The following GLRA1 variants were observed in gnomAD, a reference collection of about 807,000 sequenced individuals.
The protein encoded by GLRA1 is glycine receptor alpha 1.
A neutral mutation model predicts 48.3 loss-of-function variants in GLRA1; 37 were observed. The ratio of observed to expected loss-of-function variants is 0.77; its 90% CI spans 0.59 to 1.01. The LOEUF (loss-of-function observed/expected upper bound fraction) is 1.01. Among genes scored for constraint, GLRA1 ranks in the 50% least tolerant of loss-of-function variants. The pLI, the probability that GLRA1 is intolerant of heterozygous loss-of-function variation, is 0.00. For synonymous variants in GLRA1, 196 were observed against 210.7 expected (o/e 0.93, Z 0.60); for missense variants, 427 against 571.0 (o/e 0.75, Z 2.57).
At chr5:151,871,886 C>T (rs1212851091) in intron 3 of GLRA1, among the ~76,000 whole-genome samples, 2 of 149,420 alleles carry the variant, frequency 1.3e-5, no homozygotes, top group East Asian at 1.9e-4. Context: ...TTATAGGCCT[C>T]AATAAACTGA....
chr5:151,904,809 C>A (rs1356937712), intron 1 of GLRA1, among the ~76,000 whole-genome samples: 2 of 152,168 alleles, frequency 1.3e-5, no homozygotes, highest in African/African-American at 2.4e-5. Context: ...ATGTTCAATA[C>A]AATTTTTATT....
chr5:151,912,726 C>T (rs968479150), intron 1 of GLRA1, among the ~76,000 whole-genome samples: 5 of 152,160 alleles, frequency 3.3e-5, no homozygotes, highest in Non-Finnish European at 7.3e-5. Flanking sequence ...ATTTAACAAA[C>T]ACTGAGTGTT....
At chr5:151,846,622 T>C (rs1752677846) in intron 7 of GLRA1, among the ~76,000 whole-genome samples, 2 of 152,194 alleles carry the variant, frequency 1.3e-5, no homozygotes, top group Admixed American at 1.3e-4. Flanking sequence ...AACAGAATGT[T>C]GTGTCTCACG....
chr5:151,889,334 A>G (rs1195731244), intron 2 of GLRA1, among the ~76,000 whole-genome samples: 2 of 152,248 alleles, frequency 1.3e-5, no homozygotes, highest in African/African-American at 4.8e-5. Flanking sequence ...AGGAGCCATT[A>G]TAATACACAA....
At chr5:151,869,062 C>A (rs958627325) in intron 3 of GLRA1, among the ~76,000 whole-genome samples, 4 of 151,746 alleles carry the variant, frequency 2.6e-5, no homozygotes, top group Admixed American at 6.6e-5. Flanking sequence ...ATGTGAATAG[C>A]AGTTCTGTTT....
At chr5:151,849,011 A>G (rs1752760600) in intron 7 of GLRA1, 1 of 665,626 alleles carries the variant, frequency 1.5e-6, no homozygotes, top group Non-Finnish European at 2.8e-6. Context: ...ATGGCGCTGC[A>G]AGACCCAGAC....
At chr5:151,903,458 A>G (rs1230746980) in intron 1 of GLRA1, among the ~76,000 whole-genome samples, 1 of 152,116 alleles carries the variant, frequency 6.6e-6, no homozygotes, top group Non-Finnish European at 1.5e-5. Context: ...GCCTTTGTTG[A>G]TTCCCTTGAA....
chr5:151,883,944 G>T (rs1053831331), intron 3 of GLRA1, among the ~76,000 whole-genome samples: 5 of 152,138 alleles, frequency 3.3e-5, no homozygotes, highest in African/African-American at 7.2e-5. Context: ...GGAAATGGGG[G>T]GTGAGGGTTG....
chr5:151,868,112 A>G (rs1359364116), intron 3 of GLRA1, among the ~76,000 whole-genome samples: 4 of 152,232 alleles, frequency 2.6e-5, no homozygotes, highest in Admixed American at 2.0e-4. Context: ...CATGATTTTC[A>G]TCATCAAATA....
At chr5:151,849,496 CTTTTCTTT>C (rs1752839196) in intron 7 of GLRA1, among the ~76,000 whole-genome samples, 1 of 87,376 alleles carries the variant, frequency 1.1e-5, no homozygotes, top group East Asian at 3.2e-4. Flanking sequence ...TCCTTCCTTT[CTTTTCTTT>C]CTTTCTTTCT....
At chr5:151,875,988 A>G (rs1753618508) in intron 3 of GLRA1, among the ~76,000 whole-genome samples, 2 of 152,236 alleles carry the variant, frequency 1.3e-5, no homozygotes, top group South Asian at 2.1e-4. Flanking sequence ...AATAATTCCC[A>G]TAATTCACTA....
rs546796052 is a variant in GLRA1, at chr5:151,871,591, C to T, written c.253-11583G>A. 4.4e-4 allele frequency among the ~76,000 whole-genome samples: 64 copies of T among 146,360 alleles called. 4 individuals are homozygous for T. Among genetic ancestry groups the T allele is most frequent in the African/African-American group, 1.6e-3 (58 of 37,240 alleles). On this transcript the variant is annotated intron_variant, in intron 3 of 8. Transcript: ENST00000274576. ...TTTCTTTTTTTTTGAGATAGAGTCT[C>T]GCTCTGTCGCCCAGGCTGGAGTGCA... is the stretch of plus-strand genomic sequence containing the variant.
chr5:151,894,468 G>A (rs911420878), intron 1 of GLRA1, among the ~76,000 whole-genome samples: 7 of 152,046 alleles, frequency 4.6e-5, no homozygotes, highest in Non-Finnish European at 1.0e-4. Flanking sequence ...CTCCAGATCA[G>A]TTTCCCCAGA....
intron 3 of GLRA1, among the ~76,000 whole-genome samples, chr5:151,874,762 C>G (rs1259298693): frequency 6.6e-6 from 1 of 152,064 alleles, no homozygotes. Context: ...GAGCTGAGAC[C>G]TGAAGGGTGA....
At chr5:151,902,654 G>A (rs1245266488) in intron 1 of GLRA1, among the ~76,000 whole-genome samples, 4 of 152,072 alleles carry the variant, frequency 2.6e-5, no homozygotes, top group African/African-American at 7.2e-5. Context: ...TAATTAGGAA[G>A]TGCCTATTAT....
chr5:151,862,546 A>G (rs971976993), intron 3 of GLRA1, among the ~76,000 whole-genome samples: 8 of 152,246 alleles, frequency 5.3e-5, no homozygotes, highest in African/African-American at 1.9e-4. Flanking sequence ...ACTAGCTTCT[A>G]AACTCAATGC....
chr5:151,824,570 T>C (rs1763224845), intron 8 of GLRA1, among the ~76,000 whole-genome samples: 1 of 152,186 alleles, frequency 6.6e-6, no homozygotes. Flanking sequence ...TCTTGAACTC[T>C]GGGCCTTTGT....
At chr5:151,892,869 G>T (rs367741144) in intron 1 of GLRA1, among the ~76,000 whole-genome samples, 2 of 152,132 alleles carry the variant, frequency 1.3e-5, no homozygotes, top group South Asian at 2.1e-4. Context: ...TTTCCTCAAG[G>T]TTTATTTTCA....
intron 3 of GLRA1, among the ~76,000 whole-genome samples, chr5:151,871,791 C>G (rs1022871925): frequency 6.7e-6 from 1 of 149,566 alleles, no homozygotes; most frequent in Non-Finnish European, 1.5e-5. Flanking sequence ...GTCTCAACCT[C>G]CTGACTTCGT....
Sources: allele counts gnomAD v4.1 joint callset (sites outside exome capture counted in the v4.1 genomes callset), GRCh38; gene constraint gnomAD v4.1.1; transcripts MANE v1.5; gene names NCBI Gene and HGNC (gene_info 2026-07-23, HGNC 2026-07-21).